Variants in ITGA11 observed in about 807,000 individuals in gnomAD.
The protein encoded by ITGA11 is integrin subunit alpha 11.
In ITGA11, 97 loss-of-function variants were observed where a neutral mutation model predicts 141.9. That is an observed-to-expected ratio of 0.68 (90% CI 0.58 to 0.81). ITGA11 has a LOEUF of 0.81. Ranked by LOEUF, ITGA11 falls within the 30% of genes least tolerant of loss-of-function variation. ITGA11 has a pLI of 0.00. For synonymous variants in ITGA11, 658 were observed against 624.6 expected (o/e 1.05, Z -0.80); for missense variants, 1,387 against 1,559.2 (o/e 0.89, Z 1.86).
At chr15:68,351,163 G>T in intron 8 of ITGA11, 95 bp downstream of exon 8, 1 of 1,358,490 alleles carries the variant, frequency 7.4e-7, no homozygotes, top group Non-Finnish European at 1.0e-6. Flanking sequence ...GGACACTTGT[G>T]ATACTGCCTG....
intron 2 of ITGA11, among the ~76,000 whole-genome samples, chr15:68,377,517 C>T (rs1019250308): frequency 1.3e-5 from 2 of 152,168 alleles, no homozygotes; most frequent in African/African-American, 4.8e-5. Flanking sequence ...GGTGATCTGC[C>T]CTCCTCAGCC....
At chr15:68,403,400 G>A (rs1448420674) in intron 1 of ITGA11, among the ~76,000 whole-genome samples, 3 of 152,118 alleles carry the variant, frequency 2.0e-5, no homozygotes, top group Admixed American at 2.0e-4. Flanking sequence ...CCTTGGTGAT[G>A]AGTGAGTTCT....
At chr15:68,338,976 G>T (rs1009704832) in intron 11 of ITGA11, among the ~76,000 whole-genome samples, 1 of 152,220 alleles carries the variant, frequency 6.6e-6, no homozygotes, top group Non-Finnish European at 1.5e-5. Context: ...GGTGACTTTG[G>T]CCAGCAGGCT....
chr15:68,337,988 C>A (rs183842740), intron 11 of ITGA11, among the ~76,000 whole-genome samples: 89 of 152,268 alleles, frequency 5.8e-4, no homozygotes, highest in Non-Finnish European at 9.9e-4. Flanking sequence ...CCGAGTGTAC[C>A]AGCTCGCTGG....
intron 7 of ITGA11, among the ~76,000 whole-genome samples, chr15:68,353,088 A>G (rs77419077): frequency 0.028 from 4,216 of 152,340 alleles, 182 homozygotes; most frequent in African/African-American, 0.096. Context: ...TAAGCTCTGT[A>G]GTGACAGGTT....
chr15:68,395,144 G>A lies in ITGA11; in HGVS notation c.164+7774C>T, dbSNP rs568121342. Among the ~76,000 whole-genome samples, 5 of 151,016 alleles carry A rather than the reference G, an allele frequency of 3.3e-5. No homozygotes were observed. The East Asian group carries it at 9.8e-4, about 30-fold the overall frequency. On this transcript the variant is annotated intron_variant, in intron 2 of 29. Coordinates refer to ENST00000315757, the MANE Select transcript of ITGA11 (RefSeq NM_001004439.2). Reference sequence around the variant, plus strand: ...GGAATAGCATCCACATCAACAAAAAGGACATCTACACCAAAACCCCATCTG... The same window carrying A: ...GGAATAGCATCCACATCAACAAAAAAGACATCTACACCAAAACCCCATCTG...
At position 68,325,318 on chromosome 15, in the gene ITGA11, T is replaced by A; in HGVS notation, c.2212-77A>T. 1 of 992,402 alleles carries A rather than the reference T, an allele frequency of 1.0e-6. No homozygotes were observed. The highest frequency in any genetic ancestry group is 1.3e-5 in the South Asian group (1 of 75,464). 61.5% of individuals were successfully genotyped at this position (992,402 alleles called of 1,614,324 possible). ...TGAGCCAGGACCGTGGATGCTGAGA[T>A]AGAACTTCCACCTTCCTTAGATGGC... On this transcript the variant is annotated intron_variant, in intron 17 of 29. Transcript: ENST00000315757. The surrounding 1 kb of genome is among the most constrained non-coding windows in gnomAD (Gnocchi z 5.5).
At chr15:68,313,087 G>T (rs561992176) in intron 23 of ITGA11, among the ~76,000 whole-genome samples, 1 of 152,216 alleles carries the variant, frequency 6.6e-6, no homozygotes, top group South Asian at 2.1e-4. Context: ...GTGGGTGGGC[G>T]TGAGTCAGAA....
At chr15:68,342,863 G>A (rs1018437713) in intron 10 of ITGA11, among the ~76,000 whole-genome samples, 34 of 152,280 alleles carry the variant, frequency 2.2e-4, no homozygotes, top group African/African-American at 7.5e-4. Context: ...GAGTTATCCA[G>A]CCCAAGATGT....
intron 7 of ITGA11, among the ~76,000 whole-genome samples, chr15:68,354,671 C>T (rs1895015955): frequency 6.6e-6 from 1 of 152,184 alleles, no homozygotes; most frequent in Non-Finnish European, 1.5e-5. Context: ...CAGGACAGGT[C>T]CAGTGCCGCC....
intron 7 of ITGA11, among the ~76,000 whole-genome samples, chr15:68,356,007 C>T (rs1320145508): frequency 6.6e-6 from 1 of 152,144 alleles, no homozygotes. Context: ...TTTTGAGCAA[C>T]AACATTACTG....
intron 1 of ITGA11, among the ~76,000 whole-genome samples, chr15:68,405,882 G>A (rs553922671): frequency 3.4e-4 from 51 of 152,126 alleles, no homozygotes; most frequent in South Asian, 1.7e-3. Context: ...ACATGCACAC[G>A]CACACAGATA....
chr15:68,330,003 C>T (rs1894103305), intron 15 of ITGA11, among the ~76,000 whole-genome samples: 1 of 152,216 alleles, frequency 6.6e-6, no homozygotes, highest in Non-Finnish European at 1.5e-5. Flanking sequence ...CTGTTTTACG[C>T]CACACTGGAA....
At chr15:68,379,376 T>C (rs1022905259) in intron 2 of ITGA11, among the ~76,000 whole-genome samples, 4 of 152,224 alleles carry the variant, frequency 2.6e-5, no homozygotes. Flanking sequence ...TGCCTGTAGA[T>C]AGCAGAGAGA....
chr15:68,399,122 T>C (rs1896400763), intron 2 of ITGA11, among the ~76,000 whole-genome samples: 1 of 151,808 alleles, frequency 6.6e-6, no homozygotes, highest in South Asian at 2.1e-4. Flanking sequence ...GCTAAAACAA[T>C]CTTGCCAAAG....
At chr15:68,374,146 T>C (rs1453888644) in intron 2 of ITGA11, among the ~76,000 whole-genome samples, 1 of 152,222 alleles carries the variant, frequency 6.6e-6, no homozygotes, top group Non-Finnish European at 1.5e-5. Context: ...TCATATCCCC[T>C]AGCTCATGCT....
At chr15:68,377,363 G>A (rs368578739) in intron 2 of ITGA11, among the ~76,000 whole-genome samples, 12 of 152,150 alleles carry the variant, frequency 7.9e-5, no homozygotes, top group South Asian at 4.2e-4. Flanking sequence ...CCTCCACCCC[G>A]CTGGGTTCAA....
intron 1 of ITGA11, among the ~76,000 whole-genome samples, chr15:68,415,970 C>A (rs570636381): frequency 5.9e-5 from 9 of 152,324 alleles, no homozygotes; most frequent in Admixed American, 2.6e-4. Flanking sequence ...CCACTGTCCT[C>A]TGTCAATTCC....
chr15:68,399,157 G>A (rs971476931), intron 2 of ITGA11, among the ~76,000 whole-genome samples: 1 of 151,946 alleles, frequency 6.6e-6, no homozygotes, highest in Admixed American at 6.6e-5. Context: ...TAAAAAGAGG[G>A]CAAAGGACAT....
Sources: gnomAD v4.1 joint callset for allele counts (sites outside exome capture counted in the v4.1 genomes callset) on GRCh38, gnomAD v4.1.1 for gene constraint, Gnocchi (gnomAD v3.1) non-coding constraint, MANE v1.5 for transcripts, NCBI Gene and HGNC (gene_info 2026-07-23, HGNC 2026-07-21) for gene names.